Variants in QKI observed in about 807,000 individuals in gnomAD.
The protein encoded by QKI is QKI, KH domain containing RNA binding.
Under a neutral mutation model 39.0 loss-of-function variants are expected in QKI, and 10 were observed. The ratio of observed to expected loss-of-function variants is 0.26; its 90% confidence interval spans 0.16 to 0.43. QKI has a LOEUF of 0.43. Ranked by LOEUF, QKI falls within the 20% of genes least tolerant of loss-of-function variation. The probability of loss-of-function intolerance (pLI) is 1.00; values close to 1 mark genes in which losing one functional copy is unlikely to be tolerated. For synonymous variants in QKI, 204 were observed against 155.4 expected, an observed-to-expected ratio of 1.31 and a Z score of -2.33; for missense variants, 218 against 428.0, an observed-to-expected ratio of 0.51 and a Z score of 4.33.
chr6:163,498,107 T>A (rs912077275), intron 3 of QKI, among the ~76,000 whole-genome samples: 2 of 151,940 alleles, frequency 1.3e-5, no homozygotes, highest in Non-Finnish European at 1.5e-5. Flanking sequence ...AATCAGTGGA[T>A]GTTTTTGTCC....
intron 4 of QKI, among the ~76,000 whole-genome samples, chr6:163,544,443 CT>C (rs1781743873): frequency 6.6e-6 from 1 of 152,002 alleles, no homozygotes; most frequent in African/African-American, 2.4e-5. Flanking sequence ...CAGCTCTCCC[CT>C]GTCTCTCAAA....
intron 2 of QKI, among the ~76,000 whole-genome samples, chr6:163,477,436 G>C (rs1792710298): frequency 6.6e-6 from 1 of 152,184 alleles, no homozygotes; most frequent in Non-Finnish European, 1.5e-5. Flanking sequence ...TTAAATTGGA[G>C]ATGTAGGAAG....
chr6:163,494,829 T>C (rs542224720), intron 3 of QKI, among the ~76,000 whole-genome samples: 54 of 152,220 alleles, frequency 3.5e-4, no homozygotes, highest in African/African-American at 9.6e-4. Flanking sequence ...AAAATACTTA[T>C]GTTAGAGAAG....
Position 163,415,087 on chromosome 6 carries a change from G to A in QKI, c.-107G>A, listed in dbSNP as rs1226962252. On this transcript the variant is annotated 5_prime_UTR_variant, in exon 1 of 8. Transcript: ENST00000361752. ...CAGAGCGGGAGCCGGCGCGGAGCGG[G>A]ACGCCGGGTCCCGAGCGGCCCGCGG... 1 of 987,310 alleles carries A rather than the reference G, an allele frequency of 1.0e-6. No homozygotes were observed. Among genetic ancestry groups the A allele is most frequent in the Non-Finnish European group, 1.2e-6 (1 of 826,952 alleles). 61.2% of individuals were successfully genotyped at this position (987,310 alleles called of 1,614,324 possible).
intron 1 of QKI, among the ~76,000 whole-genome samples, chr6:163,427,756 G>GA (rs1788525669): frequency 6.6e-6 from 1 of 151,988 alleles, no homozygotes; most frequent in Non-Finnish European, 1.5e-5. Flanking sequence ...TTATACTAGT[G>GA]CTTTGTATCT....
Position 163,415,183 on chromosome 6 carries a change from G to T in QKI, c.-11G>T, listed in dbSNP as rs1283770564. On this transcript the variant is annotated 5_prime_UTR_variant, in exon 1 of 8. Coordinates refer to ENST00000361752, the MANE Select transcript of QKI (RefSeq NM_006775.3). The stretch of plus-strand genomic sequence containing the variant: ...GCGGCGGCGGGCGGAGTGAGCTGCG[G>T]AGCCTGGAATATGGTCGGGGAAATG... 4 of 1,541,046 alleles carry T rather than the reference G, an allele frequency of 2.6e-6. No individual in the cohort carries two copies. Among genetic ancestry groups the T allele is most frequent in the Non-Finnish European group, 2.6e-6 (3 of 1,137,334 alleles).
chr6:163,541,498 CT>C (rs34303940), intron 4 of QKI, among the ~76,000 whole-genome samples: 3,390 of 142,414 alleles, frequency 0.024, 43 homozygotes, highest in Non-Finnish European at 0.027. Context: ...TATGTCTACC[CT>C]TTTTTTTTTT....
intron 1 of QKI, among the ~76,000 whole-genome samples, chr6:163,453,589 C>T (rs1790729345): frequency 6.6e-6 from 1 of 152,078 alleles, no homozygotes. Context: ...GAATTGCTGT[C>T]ATATGCTAAT....
chr6:163,523,999 A>G (rs1780317015), intron 3 of QKI, among the ~76,000 whole-genome samples: 1 of 152,256 alleles, frequency 6.6e-6, no homozygotes, highest in African/African-American at 2.4e-5. Flanking sequence ...GTTAAGGAGT[A>G]GGTAGTATTT....
chr6:163,461,462 G>T (rs1276455229), intron 2 of QKI, among the ~76,000 whole-genome samples: 1 of 152,128 alleles, frequency 6.6e-6, no homozygotes, highest in African/African-American at 2.4e-5. Context: ...ATGAAAGATG[G>T]GGTTGTTAGG....
At chr6:163,523,187 A>G (rs1479401183) in intron 3 of QKI, among the ~76,000 whole-genome samples, 1 of 152,026 alleles carries the variant, frequency 6.6e-6, no homozygotes, top group Non-Finnish European at 1.5e-5. Flanking sequence ...TGTGTTTTTC[A>G]TTTTAATTTC....
chr6:163,560,274 G>A (rs545057526), intron 4 of QKI, among the ~76,000 whole-genome samples: 2 of 152,260 alleles, frequency 1.3e-5, no homozygotes, highest in South Asian at 4.1e-4. Flanking sequence ...GGTTCTTGGA[G>A]ATACAACTTT....
intron 3 of QKI, among the ~76,000 whole-genome samples, chr6:163,527,792 AATTT>A (rs1780607879): frequency 6.6e-6 from 1 of 152,160 alleles, no homozygotes; most frequent in Admixed American, 6.5e-5. Context: ...AAAGTGGTAA[AATTT>A]AGTTATAAAC....
chr6:163,429,394 T>A (rs918751472), intron 1 of QKI, among the ~76,000 whole-genome samples: 3 of 152,016 alleles, frequency 2.0e-5, no homozygotes, highest in African/African-American at 4.8e-5. Context: ...TTACGGTTTT[T>A]AAAAAAAATT....
chr6:163,432,570 T>A (rs1054318179), intron 1 of QKI, among the ~76,000 whole-genome samples: 206 of 150,534 alleles, frequency 1.4e-3, no homozygotes, highest in African/African-American at 4.3e-3. Flanking sequence ...TTAAAAAAAA[T>A]TTTTTTTTTG....
At chr6:163,426,939 T>C (rs1162913230) in intron 1 of QKI, among the ~76,000 whole-genome samples, 1 of 152,176 alleles carries the variant, frequency 6.6e-6, no homozygotes, top group Admixed American at 6.5e-5. Context: ...GTTAAAATTA[T>C]TACAACTTTA....
intron 7 of QKI, chr6:163,569,101 A>G (rs531879908): frequency 6.1e-5 from 57 of 940,744 alleles, no homozygotes; most frequent in Non-Finnish European, 6.7e-5. Flanking sequence ...TTAAGATTCT[A>G]TATTTTGGAA....
chr6:163,475,921 C>T (rs1402686828), intron 2 of QKI, among the ~76,000 whole-genome samples: 1 of 151,918 alleles, frequency 6.6e-6, no homozygotes, highest in Non-Finnish European at 1.5e-5. Context: ...TCATAAGACA[C>T]CATTAAAGAG....
chr6:163,443,198 T>G (rs1789885025), intron 1 of QKI, among the ~76,000 whole-genome samples: 1 of 152,258 alleles, frequency 6.6e-6, no homozygotes, highest in African/African-American at 2.4e-5. Flanking sequence ...TTGCTGAATT[T>G]TATTTTTCGA....
Sources: allele counts gnomAD v4.1 joint callset (sites outside exome capture counted in the v4.1 genomes callset), GRCh38; gene constraint gnomAD v4.1.1; transcripts MANE v1.5; gene names NCBI Gene and HGNC (gene_info 2026-07-23, HGNC 2026-07-21).